The following MBP variants were observed in gnomAD, a reference collection of about 807,000 sequenced individuals.
The protein encoded by MBP is myelin basic protein.
A neutral mutation model predicts 35.8 loss-of-function variants in MBP; 16 were observed. The observed-to-expected ratio is 0.45, with a 90% CI of 0.30 to 0.68. The LOEUF is 0.68. Ranked by LOEUF, MBP falls within the 30% of genes least tolerant of loss-of-function variation. MBP has a pLI of 0.08. For synonymous variants in MBP, 143 were observed against 159.6 expected (o/e 0.90, Z 0.78); for missense variants, 380 against 404.7 (o/e 0.94, Z 0.52).
chr18:77,111,479 C>T (rs1395030551), intron 1 of MBP, among the ~76,000 whole-genome samples: 1 of 152,216 alleles, frequency 6.6e-6, no homozygotes. Context: ...TTTGTAGAGA[C>T]GCTAAAGGCC....
At chr18:77,073,805 C>T (rs1974544434) in intron 2 of MBP, among the ~76,000 whole-genome samples, 1 of 152,218 alleles carries the variant, frequency 6.6e-6, no homozygotes, top group Admixed American at 6.5e-5. Context: ...CTAACAACTG[C>T]TCTTCAGCCA....
chr18:77,099,934 G>T (rs976866363), intron 2 of MBP, among the ~76,000 whole-genome samples: 1 of 152,252 alleles, frequency 6.6e-6, no homozygotes, highest in Non-Finnish European at 1.5e-5. Context: ...CTGGTGTGGA[G>T]TCCGTTCCCC....
At chr18:77,132,940 C>T (rs1356194335), upstream of MBP, 2 of 152,156 alleles carry the variant, frequency 1.3e-5, no homozygotes, top group Non-Finnish European at 2.9e-5. Context: ...GGACCCCGGG[C>T]CCGCTCTGCC....
chr18:77,033,367 G>A (rs1972611256), intron 3 of MBP, among the ~76,000 whole-genome samples: 1 of 152,128 alleles, frequency 6.6e-6, no homozygotes, highest in African/African-American at 2.4e-5. Context: ...TTGCAAAACT[G>A]ATATAACAGC....
chr18:77,110,816 CAT>C (rs1398157639), intron 1 of MBP, among the ~76,000 whole-genome samples: 1 of 152,160 alleles, frequency 6.6e-6, no homozygotes, highest in Non-Finnish European at 1.5e-5. Context: ...TATTATAAAA[CAT>C]ATAAATTGTG....
At chr18:77,043,607 G>A (rs932379817) in intron 3 of MBP, among the ~76,000 whole-genome samples, 10 of 152,092 alleles carry the variant, frequency 6.6e-5, no homozygotes, top group Non-Finnish European at 1.3e-4. Flanking sequence ...CAGCGTGGAC[G>A]TCTCTCTGCA....
chr18:77,059,240 A>C (rs1973866574), intron 3 of MBP, among the ~76,000 whole-genome samples: 1 of 152,234 alleles, frequency 6.6e-6, no homozygotes, highest in South Asian at 2.1e-4. Context: ...ATCATATGGA[A>C]TATTAAGGAG....
intron 1 of MBP, among the ~76,000 whole-genome samples, chr18:77,116,222 T>C (rs1223554073): frequency 6.6e-6 from 1 of 152,044 alleles, no homozygotes; most frequent in Non-Finnish European, 1.5e-5. Context: ...TTCCAGATTC[T>C]AATCAAGAAA....
chr18:76,997,713 C>T (rs542593518), intron 4 of MBP, among the ~76,000 whole-genome samples: 85 of 150,164 alleles, frequency 5.7e-4, no homozygotes, highest in East Asian at 2.2e-3. Context: ...GACGGAGTCT[C>T]ACTTTGTCCC....
chr18:77,112,209 G>T (rs934117485), intron 1 of MBP, among the ~76,000 whole-genome samples: 1 of 149,068 alleles, frequency 6.7e-6, no homozygotes, highest in South Asian at 2.2e-4. Flanking sequence ...GCGGCAAAAA[G>T]AAACAGCTCA....
At chr18:77,066,628 C>G (rs369944195) in intron 2 of MBP, 8 of 711,120 alleles carry the variant, frequency 1.1e-5, no homozygotes, top group Admixed American at 7.0e-5. Context: ...TAGTTTTATA[C>G]AAAAAAATTG....
chr18:77,002,128 G>T (rs1311856940), intron 4 of MBP, among the ~76,000 whole-genome samples: 1 of 152,188 alleles, frequency 6.6e-6, no homozygotes, highest in Non-Finnish European at 1.5e-5. Flanking sequence ...CAGGAAGTTG[G>T]CTCCATGTGG....
At chr18:77,094,421 C>T (rs757713974) in intron 2 of MBP, among the ~76,000 whole-genome samples, 9 of 152,212 alleles carry the variant, frequency 5.9e-5, no homozygotes, top group Admixed American at 1.3e-4. Flanking sequence ...CACAAGGTTC[C>T]GTTGCTCATA....
intron 1 of MBP, 32 bp from the exon 2 acceptor site, chr18:77,105,318 G>T: frequency 7.4e-7 from 1 of 1,349,086 alleles, no homozygotes; most frequent in South Asian, 1.2e-5. Flanking sequence ...TCAGCCCTAA[G>T]TCTAGTGCTC....
chr18:77,111,631 C>T (rs1976452600), intron 1 of MBP, among the ~76,000 whole-genome samples: 3 of 152,198 alleles, frequency 2.0e-5, no homozygotes, highest in Admixed American at 1.3e-4. Flanking sequence ...CGGGATTCAC[C>T]AGGGCCACCA....
intron 1 of MBP, among the ~76,000 whole-genome samples, chr18:77,124,224 C>T (rs1341261501): frequency 6.6e-6 from 1 of 152,176 alleles, no homozygotes; most frequent in Non-Finnish European, 1.5e-5. Flanking sequence ...GTTCTATCTC[C>T]TCTTTATTAC....
chr18:77,061,501 C>T (rs1973978963), intron 3 of MBP, among the ~76,000 whole-genome samples: 1 of 152,160 alleles, frequency 6.6e-6, no homozygotes, highest in African/African-American at 2.4e-5. Context: ...AACCAAGACA[C>T]AAACAGAGGA....
intron 2 of MBP, among the ~76,000 whole-genome samples, chr18:77,095,817 G>A (rs1975735633): frequency 1.3e-5 from 2 of 152,210 alleles, no homozygotes. Flanking sequence ...AGGCAGTTAG[G>A]ATTCATTCTT....
At chr18:77,074,775 A>G (rs1661391657) in intron 2 of MBP, among the ~76,000 whole-genome samples, 1 of 152,258 alleles carries the variant, frequency 6.6e-6, no homozygotes, top group African/African-American at 2.4e-5. Flanking sequence ...TTATAATTGC[A>G]TAACTGTTGG....
Sources: allele counts gnomAD v4.1 joint callset (sites outside exome capture counted in the v4.1 genomes callset), GRCh38; gene constraint gnomAD v4.1.1; transcripts MANE v1.5; gene names NCBI Gene and HGNC (gene_info 2026-07-23, HGNC 2026-07-21).